Variants in FRMD6 observed in about 807,000 individuals in gnomAD.
The protein encoded by FRMD6 is FERM domain-containing protein 6.
In FRMD6, 37 loss-of-function variants were observed where a neutral mutation model predicts 73.2. That is an observed-to-expected ratio of 0.51 (90% CI 0.39 to 0.66). The LOEUF (loss-of-function observed/expected upper bound fraction) is 0.66. Among genes scored for constraint, FRMD6 ranks in the 30% least tolerant of loss-of-function variants. The pLI, the probability that FRMD6 is intolerant of heterozygous loss-of-function variation, is 0.00. For missense variants in FRMD6, 714 were observed against 780.5 expected, an observed-to-expected ratio of 0.91 and a Z score of 1.02; for synonymous variants, 273 against 282.2, an observed-to-expected ratio of 0.97 and a Z score of 0.33.
the FRMD6 span, among the ~76,000 whole-genome samples, chr14:51,432,203 C>T: frequency 3.9e-5 from 6 of 152,044 alleles, no homozygotes; most frequent in East Asian, 5.8e-4. Context: ...TAGAGAGTAG[C>T]GGAAATGCTG....
chr14:51,636,567 T>C (rs2140004851), intron 2 of FRMD6, among the ~76,000 whole-genome samples: 1 of 152,346 alleles, frequency 6.6e-6, no homozygotes, highest in East Asian at 1.9e-4. Flanking sequence ...CCTCCTCCTG[T>C]TTTTGTGAGG....
chr14:51,556,372 A>G (rs768106134), intron 1 of FRMD6, among the ~76,000 whole-genome samples: 5 of 152,216 alleles, frequency 3.3e-5, no homozygotes, highest in Non-Finnish European at 7.3e-5. Context: ...CTTCTTAACA[A>G]GTGTCAAAAC....
intron 2 of FRMD6, among the ~76,000 whole-genome samples, chr14:51,640,270 G>GT (rs1170156178): frequency 6.6e-6 from 1 of 152,174 alleles, no homozygotes; most frequent in East Asian, 1.9e-4. Context: ...TAAGGATAGA[G>GT]TTACAATACC....
the FRMD6 span, among the ~76,000 whole-genome samples, chr14:51,405,574 G>GT: frequency 0.01 from 1,517 of 146,754 alleles, 30 homozygotes; most frequent in Admixed American, 0.053. Flanking sequence ...AGTGACTTGA[G>GT]TTTTTTTTTT....
intron 1 of FRMD6, among the ~76,000 whole-genome samples, chr14:51,536,851 G>A (rs974715601): frequency 1.2e-4 from 18 of 152,200 alleles, no homozygotes; most frequent in African/African-American, 4.3e-4. Context: ...TGTTTAATAT[G>A]TTTGGGTGGA....
At chr14:51,463,115 G>T in the FRMD6 span, among the ~76,000 whole-genome samples, 4 of 152,296 alleles carry the variant, frequency 2.6e-5, no homozygotes, top group African/African-American at 7.2e-5. Context: ...TTTCCCTATC[G>T]CATTCAACCA....
the FRMD6 span, among the ~76,000 whole-genome samples, chr14:51,408,905 G>T: frequency 1.3e-5 from 2 of 152,078 alleles, no homozygotes; most frequent in African/African-American, 4.8e-5. Flanking sequence ...ATTTCCTCAG[G>T]TTCCTGGGCT....
intron 1 of FRMD6, among the ~76,000 whole-genome samples, chr14:51,687,748 C>T (rs1405213099): frequency 2.0e-5 from 3 of 152,142 alleles, no homozygotes; most frequent in African/African-American, 7.2e-5. Flanking sequence ...GTTTTGAGCA[C>T]ACAAATTTGA....
chr14:51,687,849 C>G (rs186152009), intron 1 of FRMD6, among the ~76,000 whole-genome samples: 40 of 151,996 alleles, frequency 2.6e-4, no homozygotes, highest in Non-Finnish European at 5.9e-5. Context: ...TTACTTTTTC[C>G]CAATTCTCTA....
chr14:51,713,755 A>C (rs1454408086), intron 9 of FRMD6: 1 of 152,228 alleles, frequency 6.6e-6, no homozygotes, highest in Non-Finnish European at 1.5e-5. Context: ...CTTATACATT[A>C]CATGGGGCCT....
At chr14:51,518,690 C>T (rs1884777344) in intron 1 of FRMD6, among the ~76,000 whole-genome samples, 1 of 152,132 alleles carries the variant, frequency 6.6e-6, no homozygotes, top group South Asian at 2.1e-4. Context: ...TGCATTTTCT[C>T]TCATTTTGGA....
intron 1 of FRMD6, among the ~76,000 whole-genome samples, chr14:51,668,057 A>G (rs1369382554): frequency 6.6e-6 from 1 of 152,188 alleles, no homozygotes; most frequent in Non-Finnish European, 1.5e-5. Context: ...TGCCTTACAT[A>G]TTCTTGAACT....
At chr14:51,465,706 T>C in the FRMD6 span, among the ~76,000 whole-genome samples, 1 of 152,242 alleles carries the variant, frequency 6.6e-6, no homozygotes, top group Non-Finnish European at 1.5e-5. Flanking sequence ...CACGTGATGA[T>C]GGACATTTAG....
chr14:51,436,862 G>A, the FRMD6 span: 2 of 720,938 alleles, frequency 2.8e-6, no homozygotes, highest in Non-Finnish European at 2.2e-6. Context: ...AGAGGAGAAA[G>A]GATTAGAAGG....
intron 1 of FRMD6, among the ~76,000 whole-genome samples, chr14:51,504,021 G>A (rs1355950189): frequency 6.6e-6 from 1 of 152,168 alleles, no homozygotes; most frequent in African/African-American, 2.4e-5. Flanking sequence ...ATGTCATAGA[G>A]GTGTTTATAG....
chr14:51,597,828 G>A (rs1245710080), intron 2 of FRMD6, among the ~76,000 whole-genome samples: 1 of 152,228 alleles, frequency 6.6e-6, no homozygotes, highest in Non-Finnish European at 1.5e-5. Context: ...CAGGGCCACT[G>A]AGAGTTCTGA....
chr14:51,721,654 GGA>G, intron 11 of FRMD6, among the ~76,000 whole-genome samples: 1 of 149,760 alleles, frequency 6.7e-6, no homozygotes, highest in Non-Finnish European at 1.5e-5. Flanking sequence ...AGGGAAGGAA[GGA>G]AGGAAGGAAC....
At chr14:51,600,941 A>G (rs568490687) in intron 2 of FRMD6, among the ~76,000 whole-genome samples, 118 of 152,366 alleles carry the variant, frequency 7.7e-4, no homozygotes, top group African/African-American at 2.8e-3. Flanking sequence ...TTATTTTAAT[A>G]TCCTATTAGC....
intron 6 of FRMD6, among the ~76,000 whole-genome samples, chr14:51,707,385 C>A (rs1896685532): frequency 6.6e-6 from 1 of 152,106 alleles, no homozygotes; most frequent in African/African-American, 2.4e-5. Context: ...TGTTAAGTTC[C>A]TTATGGAATC....
Sources: allele counts gnomAD v4.1 joint callset (sites outside exome capture counted in the v4.1 genomes callset), GRCh38; gene constraint gnomAD v4.1.1; transcripts MANE v1.5; gene names NCBI Gene and HGNC (gene_info 2026-07-23, HGNC 2026-07-21).